Variants in ALDH1L1 observed in about 807,000 individuals in gnomAD.
The protein encoded by ALDH1L1 is cytosolic 10-formyltetrahydrofolate dehydrogenase.
Under a neutral mutation model 101.1 loss-of-function variants are expected in ALDH1L1, and 68 were observed. That is an observed-to-expected ratio of 0.67 (90% confidence interval 0.55 to 0.82). The LOEUF (loss-of-function observed/expected upper bound fraction) is 0.82, where lower values mean the gene tolerates loss of function less well. Ranked by LOEUF, ALDH1L1 falls within the 40% of genes least tolerant of loss-of-function variation. The probability of loss-of-function intolerance (pLI) is 0.00; values close to 1 mark genes in which losing one functional copy is unlikely to be tolerated. For synonymous variants in ALDH1L1, 486 were observed against 470.8 expected, an observed-to-expected ratio of 1.03 and a Z score of -0.42; for missense variants, 1,087 against 1,172.7, an observed-to-expected ratio of 0.93 and a Z score of 1.07.
At chr3:126,162,682 T>C (rs2081085833) in intron 1 of ALDH1L1, among the ~76,000 whole-genome samples, 1 of 152,208 alleles carries the variant, frequency 6.6e-6, no homozygotes, top group African/African-American at 2.4e-5. Flanking sequence ...TGAACAGATG[T>C]TCTTAAACTT....
chr3:126,180,787 C>A (rs1037422876), upstream of ALDH1L1: 26 of 1,489,260 alleles, frequency 1.7e-5, no homozygotes, highest in Admixed American at 4.9e-4. Flanking sequence ...CCGCTTAGGT[C>A]AAGAAGACTT....
intron 1 of ALDH1L1, among the ~76,000 whole-genome samples, chr3:126,192,278 C>T (rs191758926): frequency 3.9e-5 from 6 of 152,214 alleles, no homozygotes; most frequent in Non-Finnish European, 8.8e-5. Context: ...AGAATAAGTC[C>T]TTGTTTAATT....
intron 7 of ALDH1L1, chr3:126,152,408 C>T (rs2080822798): frequency 6.6e-6 from 1 of 152,194 alleles, no homozygotes. Flanking sequence ...GGAACCTGAC[C>T]ACAGACAGAT....
At chr3:126,134,260 T>TA (rs1381998040) in intron 12 of ALDH1L1, among the ~76,000 whole-genome samples, 6 of 151,520 alleles carry the variant, frequency 4.0e-5, no homozygotes, top group Non-Finnish European at 8.8e-5. Flanking sequence ...GGGGTCCACT[T>TA]ACAGCTGCCC....
chr3:126,124,602 C>G (rs975405108), intron 15 of ALDH1L1, 151 bp from the exon 16 acceptor site: 2 of 669,992 alleles, frequency 3.0e-6, no homozygotes, highest in African/African-American at 3.8e-5. Context: ...AGGAAAGCCA[C>G]CAGAGGGGGC....
At chr3:126,154,784 G>A (rs1193746168) in intron 5 of ALDH1L1, 141 bp from the exon 6 acceptor site, 1 of 700,764 alleles carries the variant, frequency 1.4e-6, no homozygotes, top group Non-Finnish European at 2.5e-6. Flanking sequence ...GAGTCCCTGA[G>A]CTGGTGCCCC....
At chr3:126,159,490 C>T (rs530347951) in intron 2 of ALDH1L1, 40 of 456,746 alleles carry the variant, frequency 8.8e-5, no homozygotes, top group African/African-American at 4.0e-4. Context: ...TCTGTTAGAG[C>T]CTCTGGTGTG....
At chr3:126,164,163 C>T (rs566961961) in intron 1 of ALDH1L1, among the ~76,000 whole-genome samples, 10 of 151,768 alleles carry the variant, frequency 6.6e-5, no homozygotes, top group East Asian at 1.9e-4. Flanking sequence ...CAAGGTAGGG[C>T]GGGGCAGGGC....
chr3:126,186,523 G>C (rs1868119), upstream of ALDH1L1, among the ~76,000 whole-genome samples: 16,516 of 151,822 alleles, frequency 0.11, 1,310 homozygotes, highest in African/African-American at 0.22. Context: ...CTGACCCTGA[G>C]CCTGAGGGCT....
chr3:126,141,824 C>G (rs955166469), intron 9 of ALDH1L1, among the ~76,000 whole-genome samples: 3 of 151,792 alleles, frequency 2.0e-5, no homozygotes, highest in Non-Finnish European at 4.4e-5. Context: ...AAACCCAAAA[C>G]TAGCAGAAGG....
At chr3:126,130,436 G>C in intron 13 of ALDH1L1, 143 bp from the exon 14 acceptor site, 1 of 644,066 alleles carries the variant, frequency 1.6e-6, no homozygotes, top group Non-Finnish European at 2.3e-6. Context: ...GACAGGCAGG[G>C]GGGCAGCCAG....
At chr3:126,164,917 C>A (rs1380112393) in intron 1 of ALDH1L1, among the ~76,000 whole-genome samples, 1 of 152,100 alleles carries the variant, frequency 6.6e-6, no homozygotes, top group African/African-American at 2.4e-5. Context: ...CCATTCTGAC[C>A]AGTGTAAGAT....
chr3:126,187,940 A>G (rs948261759), intron 1 of ALDH1L1, among the ~76,000 whole-genome samples: 1 of 151,908 alleles, frequency 6.6e-6, no homozygotes, highest in Non-Finnish European at 1.5e-5. Flanking sequence ...AGTTTATTTG[A>G]GAAGAAAAAA....
chr3:126,140,801 A>C (rs902510770), intron 9 of ALDH1L1, among the ~76,000 whole-genome samples: 2 of 150,966 alleles, frequency 1.3e-5, no homozygotes, highest in Non-Finnish European at 2.9e-5. Context: ...AGTAAAAGAA[A>C]GAAGGGAATC....
Position 126,175,897 on chromosome 3 carries a change from A to G in ALDH1L1, c.-24+4579T>C, listed in dbSNP as rs548926159. ...GTCTACAGATTGGGAAGGAAGAAATAAACTGTTCTTGTTCTCAAAAAACAT... is the reference window on the plus strand; with the variant it reads ...GTCTACAGATTGGGAAGGAAGAAATGAACTGTTCTTGTTCTCAAAAAACAT... On this transcript the variant is annotated intron_variant, in intron 1 of 22. Coordinates refer to ENST00000393434, the MANE Select transcript of ALDH1L1 (RefSeq NM_012190.4). Among the ~76,000 whole-genome samples the G allele has an allele frequency of 4.9e-4, 74 of 152,300 alleles. 1 individual carries two copies. In the South Asian group the frequency reaches 0.015, roughly 30 times the overall value.
intron 19 of ALDH1L1, 98 bp from the exon 20 acceptor site, chr3:126,110,207 A>G: frequency 2.0e-6 from 3 of 1,488,326 alleles, no homozygotes; most frequent in Non-Finnish European, 2.8e-6. Context: ...CCCTGGGGAA[A>G]GTCCACACTC....
intron 8 of ALDH1L1, 46 bp downstream of exon 8, chr3:126,150,360 G>C (rs368273789): frequency 6.5e-7 from 1 of 1,544,246 alleles, no homozygotes; most frequent in South Asian, 1.2e-5. Context: ...ACATGTGCAC[G>C]GCACAACCTG....
chr3:126,148,235 C>T (rs1218654414), intron 8 of ALDH1L1, among the ~76,000 whole-genome samples: 2 of 152,238 alleles, frequency 1.3e-5, no homozygotes, highest in African/African-American at 4.8e-5. Flanking sequence ...TCAGTGCTGA[C>T]AGCAGCTGTG....
In ALDH1L1 at chr3:126,154,536, A is replaced by G. The variant is rs1231450259; in HGVS notation, c.720+18T>C. 7 of 1,613,244 alleles carry G rather than the reference A, an allele frequency of 4.3e-6. No individual in the cohort carries two copies. Among genetic ancestry groups the G allele is most frequent in the Admixed American group, 3.3e-5 (2 of 59,978 alleles). ...ACACCAATGCACGTGGCTGGATTCC[A>G]GCCATGCAGGGACACACCTGTTCAC... On this transcript the variant is annotated intron_variant, in intron 6 of 22. Coordinates refer to ENST00000393434, the MANE Select transcript of ALDH1L1 (RefSeq NM_012190.4).
Sources: gnomAD v4.1 joint callset for allele counts (sites outside exome capture counted in the v4.1 genomes callset) on GRCh38, gnomAD v4.1.1 for gene constraint, MANE v1.5 for transcripts, NCBI Gene and HGNC (gene_info 2026-07-23, HGNC 2026-07-21) for gene names.